SNX13: variants seen among roughly 807,000 people sequenced by gnomAD.
The protein encoded by SNX13 is sorting nexin-13.
A neutral mutation model predicts 133.6 loss-of-function variants in SNX13; 45 were observed. The observed-to-expected ratio is 0.34, with a 90% CI of 0.27 to 0.43. SNX13 has a LOEUF of 0.43. SNX13 is among the 20% of genes least tolerant of loss of function. The pLI, the probability that SNX13 is intolerant of heterozygous loss-of-function variation, is 1.00. For synonymous variants in SNX13, 414 were observed against 373.9 expected, an observed-to-expected ratio of 1.11 and a Z score of -1.24; for missense variants, 1,032 against 1,145.1, an observed-to-expected ratio of 0.90 and a Z score of 1.43.
In SNX13 at chr7:17,834,223, G is replaced by A. The variant is rs769878017; in HGVS notation, c.1465-39C>T. On this transcript the variant is annotated intron_variant, in intron 14 of 25. Transcript: ENST00000428135. ...ATCAAGATATTCAACAATTAATACA[G>A]GTGTGTGGTGATTTTTACAAAACAC... The A allele has an allele frequency of 1.4e-5, 21 of 1,477,514 alleles. No homozygotes were observed. The South Asian group carries it at 1.8e-4, about 13-fold the overall frequency. 91.5% of individuals were successfully genotyped at this position (1,477,514 alleles called of 1,614,324 possible). A position where few individuals can be genotyped will look rare whatever the true frequency, so the allele number is the denominator to read the frequency against.
chr7:17,797,019 T>C, intron 24 of SNX13, 80 bp from the exon 25 acceptor site: 1 of 1,060,712 alleles, frequency 9.4e-7, no homozygotes, highest in Non-Finnish European at 1.4e-6. Context: ...TTCAAATTTC[T>C]ACAGAAAATA....
chr7:17,814,879 A>G lies in SNX13; in HGVS notation c.2019T>C (p.Leu673=). Residue 673 remains leucine (L), a synonymous_variant, in exon 20 of 26, where the codon CTT becomes CTC. Transcript: ENST00000428135. ...PALAHYVYDF[L]ENKAYSKGKG... is the part of the protein sequence containing the mutation. ...TTCCTTTACTGTAGGCTTTGTTCTC[A>G]AGGAAATCATACACATAGTGAGCTA... is the stretch of plus-strand genomic sequence containing the variant. 1 of 1,561,054 alleles carries G rather than the reference A, an allele frequency of 6.4e-7. No individual in the cohort carries two copies. The highest frequency in any genetic ancestry group is 8.6e-7 in the Non-Finnish European group (1 of 1,158,486).
At chr7:17,900,856 C>T (rs1332696717) in intron 1 of SNX13, among the ~76,000 whole-genome samples, 1 of 152,068 alleles carries the variant, frequency 6.6e-6, no homozygotes, top group Non-Finnish European at 1.5e-5. Flanking sequence ...TCACTCTTCC[C>T]TCTCCTTTTC....
chr7:17,817,854 T>C (rs970723273), intron 18 of SNX13, among the ~76,000 whole-genome samples: 2 of 152,162 alleles, frequency 1.3e-5, no homozygotes, highest in Non-Finnish European at 2.9e-5. Context: ...AAAACACATA[T>C]TTTTCCTGGT....
Position 17,927,144 on chromosome 7 carries a change from C to T in SNX13, c.12+13140G>A, listed in dbSNP as rs908181402. 6.6e-5 allele frequency among the ~76,000 whole-genome samples: 10 copies of T among 150,816 alleles called. No individual in the cohort carries two copies. In the Admixed American group the frequency reaches 6.6e-4, roughly 10 times the overall value. The stretch of plus-strand genomic sequence containing the variant: ...TAAACTATGCTCTTGACATTTTTGA[C>T]ATATATATACATTACATATATGTTT... On this transcript the variant is annotated intron_variant, in intron 1 of 25. Coordinates refer to ENST00000428135, the MANE Select transcript of SNX13 (RefSeq NM_015132.5).
At chr7:17,803,613 T>C in intron 20 of SNX13, 33 bp from the exon 21 acceptor site, 3 of 1,558,888 alleles carry the variant, frequency 1.9e-6, no homozygotes, top group Non-Finnish European at 2.6e-6. Flanking sequence ...ACCATGACTT[T>C]ATTGTACCAG....
chr7:17,853,958 GAAAAA>G (rs552421485), intron 9 of SNX13, among the ~76,000 whole-genome samples: 5 of 143,812 alleles, frequency 3.5e-5, no homozygotes, highest in South Asian at 2.2e-4. Context: ...AATAAAAAAA[GAAAAA>G]AAAAGAAAAA....
chr7:17,922,133 G>C (rs892034068), intron 1 of SNX13, among the ~76,000 whole-genome samples: 3 of 152,146 alleles, frequency 2.0e-5, no homozygotes, highest in African/African-American at 7.2e-5. Context: ...TGTTGGAACT[G>C]CCTGCCTACT....
chr7:17,870,771 G>T (rs1047724663), intron 8 of SNX13, among the ~76,000 whole-genome samples: 1 of 152,128 alleles, frequency 6.6e-6, no homozygotes, highest in Admixed American at 6.6e-5. Flanking sequence ...GTCCTCATTA[G>T]AGTTACAATT....
intron 2 of SNX13, among the ~76,000 whole-genome samples, chr7:17,895,177 G>A (rs184427606): frequency 8.2e-4 from 125 of 152,212 alleles, no homozygotes; most frequent in Admixed American, 1.2e-3. Context: ...AGTGTGTAAC[G>A]ATAGGAAGAC....
intron 1 of SNX13, among the ~76,000 whole-genome samples, chr7:17,906,704 G>A (rs1039400503): frequency 2.6e-5 from 4 of 152,044 alleles, no homozygotes; most frequent in African/African-American, 9.7e-5. Context: ...TTATACAAGT[G>A]GAATTTACTT....
At chr7:17,814,062 A>G (rs1463953487) in intron 20 of SNX13, among the ~76,000 whole-genome samples, 1 of 152,184 alleles carries the variant, frequency 6.6e-6, no homozygotes, top group Non-Finnish European at 1.5e-5. Context: ...AGTGGTATAA[A>G]TAATACCAGC....
chr7:17,805,895 C>T (rs549311764), intron 20 of SNX13, among the ~76,000 whole-genome samples: 1 of 152,152 alleles, frequency 6.6e-6, no homozygotes. Context: ...GAATGAAAAA[C>T]CTCTAAAGGT....
chr7:17,830,430 CTG>C lies in SNX13; in HGVS notation c.1598-385_1598-384del, dbSNP rs1036294005. 46 of 984,194 alleles carry C rather than the reference CTG, an allele frequency of 4.7e-5. No individual in the cohort carries two copies. In the African/African-American group the frequency reaches 7.9e-4, roughly 17 times the overall value. The allele number at this position is 984,194 out of a possible 1,614,324, so 61.0% of individuals were successfully genotyped here. A position where few individuals can be genotyped will look rare whatever the true frequency, so the allele number is the denominator to read the frequency against. On this transcript the variant is annotated intron_variant, in intron 15 of 25. Transcript: ENST00000428135. Reference sequence around the variant, plus strand: ...AAACACCAGCACTATTTTGTAACTTCTGTCTCATTGGATTAAGAAAGATTACA... The same window carrying C: ...AAACACCAGCACTATTTTGTAACTTCTCTCATTGGATTAAGAAAGATTACA...
At chr7:17,902,749 C>T (rs1797971189) in intron 1 of SNX13, among the ~76,000 whole-genome samples, 1 of 152,126 alleles carries the variant, frequency 6.6e-6, no homozygotes, top group Non-Finnish European at 1.5e-5. Context: ...CAGGAGTCCC[C>T]AACCCCCAGG....
chr7:17,803,343 A>G, intron 21 of SNX13, 76 bp downstream of exon 21: 1 of 1,381,652 alleles, frequency 7.2e-7, no homozygotes, highest in Non-Finnish European at 9.7e-7. Flanking sequence ...GACTAAGGTA[A>G]ATCCAACCAG....
At chr7:17,939,566 G>A (rs1802525440) in intron 1 of SNX13, among the ~76,000 whole-genome samples, 1 of 152,220 alleles carries the variant, frequency 6.6e-6, no homozygotes. Flanking sequence ...CTAGAAAAGG[G>A]AAATTGATTG....
At chr7:17,819,714 T>C (rs1157474759) in intron 18 of SNX13, among the ~76,000 whole-genome samples, 2 of 152,202 alleles carry the variant, frequency 1.3e-5, no homozygotes, top group African/African-American at 2.4e-5. Context: ...TTTTAAAATA[T>C]AGATAAGGCT....
Position 17,850,336 on chromosome 7 carries a change from A to C in SNX13, c.1065+11T>G. On this transcript the variant is annotated intron_variant, in intron 11 of 25. Transcript: ENST00000428135. ...TATAACTAAACGTTAATTCAAAACTACTTTACTTACTTTGCCTGACTGCAA... is the reference window on the plus strand; with the variant it reads ...TATAACTAAACGTTAATTCAAAACTCCTTTACTTACTTTGCCTGACTGCAA... 6.4e-7 allele frequency: 1 copy of C among 1,562,312 alleles called. No homozygotes were observed. Among genetic ancestry groups the C allele is most frequent in the Non-Finnish European group, 8.7e-7 (1 of 1,148,622 alleles).
Sources: allele counts gnomAD v4.1 joint callset (sites outside exome capture counted in the v4.1 genomes callset), GRCh38; gene constraint gnomAD v4.1.1; transcripts MANE v1.5; gene names NCBI Gene and HGNC (gene_info 2026-07-23, HGNC 2026-07-21).